LRRIQ1: variants seen among roughly 807,000 people sequenced by gnomAD.
LRRIQ1 encodes leucine rich repeats and IQ motif containing 1, also known as leucine-rich repeat- and IQ domain-containing protein 1.
Under a neutral mutation model 211.9 loss-of-function variants are expected in LRRIQ1, and 210 were observed. The ratio of observed to expected loss-of-function variants is 0.99; its 90% CI spans 0.89 to 1.11. The LOEUF (loss-of-function observed/expected upper bound fraction) is 1.11, where lower values mean the gene tolerates loss of function less well. Ranked by LOEUF, LRRIQ1 falls within the 50% of genes most tolerant of loss-of-function variation. LRRIQ1 has a pLI of 0.00. For missense variants in LRRIQ1, 2,136 were observed against 1,939.5 expected (o/e 1.10, Z -1.90); for synonymous variants, 699 against 650.1 (o/e 1.08, Z -1.14).
Position 85,064,357 on chromosome 12 carries a change from T to C in LRRIQ1, c.2392-905T>C, listed in dbSNP as rs150994282. 1.0e-3 allele frequency among the ~76,000 whole-genome samples: 154 copies of C among 151,986 alleles called. 1 individual carries two copies. The highest frequency in any genetic ancestry group is 4.7e-3 in the East Asian group (24 of 5,150). On this transcript the variant is annotated intron_variant, in intron 8 of 26. Transcript: ENST00000393217. ...ATCTATTCAGATCTTTTGCCCATTTTAGATTGGATTATGAGACTTTTTCCT... is the reference window on the plus strand; with the variant it reads ...ATCTATTCAGATCTTTTGCCCATTTCAGATTGGATTATGAGACTTTTTCCT...
intron 23 of LRRIQ1, among the ~76,000 whole-genome samples, chr12:85,155,526 G>C (rs887885377): frequency 3.5e-4 from 53 of 151,502 alleles, no homozygotes; most frequent in African/African-American, 1.2e-3. Context: ...ATCTTCAGCA[G>C]TATCAAAAAC....
chr12:85,150,623 A>T (rs989661620), intron 19 of LRRIQ1, among the ~76,000 whole-genome samples: 1 of 151,490 alleles, frequency 6.6e-6, no homozygotes, highest in African/African-American at 2.4e-5. Flanking sequence ...ACCAAAGCAT[A>T]TGTGTTTCCT....
intron 19 of LRRIQ1, among the ~76,000 whole-genome samples, chr12:85,148,117 A>G (rs1377965788): frequency 1.3e-5 from 2 of 151,700 alleles, no homozygotes; most frequent in African/African-American, 2.4e-5. Context: ...AGCTTTCCAG[A>G]TCCTCGGTTG....
intron 19 of LRRIQ1, among the ~76,000 whole-genome samples, chr12:85,146,519 G>T (rs972423659): frequency 6.6e-6 from 1 of 151,768 alleles, no homozygotes; most frequent in Non-Finnish European, 1.5e-5. Context: ...CAGTCCTGCA[G>T]AAGTTTTGTT....
chr12:85,098,361 T>C lies in LRRIQ1; in HGVS notation c.2894T>C (p.Leu965Ser). ...LISHLYWNCG[L>S]ESLKNLQQLI... ...TATAACTTTTTTCTTCTAGGTGGTT[T>C]AGAATCTTTGAAAAATCTTCAACAA... is the stretch of plus-strand genomic sequence containing the variant. The change falls in exon 12 of 27, where the codon TTA becomes TCA. Residue 965 changes from leucine to serine, a missense_variant. Leu to Ser is a moderately radical substitution (Grantham distance 145). Coordinates refer to ENST00000393217, the MANE Select transcript of LRRIQ1 (RefSeq NM_001079910.2). 6.2e-7 allele frequency: 1 copy of C among 1,602,200 alleles called. No homozygotes were observed. The highest frequency in any genetic ancestry group is 8.5e-7 in the Non-Finnish European group (1 of 1,172,546).
intron 24 of LRRIQ1, among the ~76,000 whole-genome samples, chr12:85,219,109 A>C (rs1894285865): frequency 6.6e-6 from 1 of 152,092 alleles, no homozygotes; most frequent in Non-Finnish European, 1.5e-5. Flanking sequence ...ATTACATGTT[A>C]ATGTATATAT....
At chr12:85,225,072 G>C (rs1252374062) in intron 24 of LRRIQ1, among the ~76,000 whole-genome samples, 1 of 151,898 alleles carries the variant, frequency 6.6e-6, no homozygotes, top group African/African-American at 2.4e-5. Context: ...GCATCCGTAG[G>C]TTCAACCAAC....
chr12:85,155,227 G>A lies in LRRIQ1; in HGVS notation c.4720+1133G>A, dbSNP rs1016698792. On this transcript the variant is annotated intron_variant, in intron 23 of 26. Coordinates refer to ENST00000393217, the MANE Select transcript of LRRIQ1 (RefSeq NM_001079910.2). ...TTTGTGATAACATTTTTATTGAGTAGTAAATTTTTTCAGGTTTAAAACATT... is the reference window on the plus strand; with the variant it reads ...TTTGTGATAACATTTTTATTGAGTAATAAATTTTTTCAGGTTTAAAACATT... Among the ~76,000 whole-genome samples, 121 of 151,516 alleles carry A rather than the reference G, an allele frequency of 8.0e-4. 1 individual carries two copies. The highest frequency in any genetic ancestry group is 2.8e-3 in the African/African-American group (116 of 41,450).
At chr12:85,122,974 A>T (rs147978501) in intron 16 of LRRIQ1, among the ~76,000 whole-genome samples, 144 of 152,142 alleles carry the variant, frequency 9.5e-4, no homozygotes, top group Non-Finnish European at 1.8e-3. Context: ...AAATGGAAAG[A>T]CTATAGGAAG....
chr12:85,243,313 T>TTTTTTA (rs377040361), intron 26 of LRRIQ1, among the ~76,000 whole-genome samples: 9 of 140,720 alleles, frequency 6.4e-5, no homozygotes, highest in Admixed American at 2.2e-4. Flanking sequence ...ATGTATAACT[T>TTTTTTA]TTATTATTAT....
At position 85,056,509 on chromosome 12, in the gene LRRIQ1, G is replaced by A; in HGVS notation, c.1716G>A (p.Gln572=). The A allele has an allele frequency of 6.2e-7, 1 of 1,611,610 alleles. No individual in the cohort carries two copies. The highest frequency in any genetic ancestry group is 8.5e-7 in the Non-Finnish European group (1 of 1,179,020). Residue 572 remains glutamine (Q), a synonymous_variant, in exon 8 of 27, where the codon CAG becomes CAA. Transcript: ENST00000393217. ...GTGAGGTGAAAACCAATGAAGAGCA[G>A]AAAATAATCAAAGATAATCAGCAGA... is the stretch of plus-strand genomic sequence containing the variant. ...EISEVKTNEE[Q]KIIKDNQQKK... is the part of the protein sequence containing the mutation.
chr12:85,167,736 A>G (rs907219082), intron 24 of LRRIQ1, among the ~76,000 whole-genome samples: 1 of 152,152 alleles, frequency 6.6e-6, no homozygotes, highest in African/African-American at 2.4e-5. Context: ...CAGGAACAAT[A>G]CTTTGCATTC....
At chr12:85,072,386 C>T (rs1398581115) in intron 10 of LRRIQ1, among the ~76,000 whole-genome samples, 1 of 151,846 alleles carries the variant, frequency 6.6e-6, no homozygotes, top group Non-Finnish European at 1.5e-5. Context: ...GAAAAGGAGG[C>T]AGGGTTTTTT....
rs562174204 is a variant in LRRIQ1, at chr12:85,048,938, A to G, written c.678+1468A>G. Among the ~76,000 whole-genome samples the G allele has an allele frequency of 2.6e-5, 4 of 152,330 alleles. No individual in the cohort carries two copies. The South Asian group carries it at 6.2e-4, about 24-fold the overall frequency. On this transcript the variant is annotated intron_variant, in intron 6 of 26. Transcript: ENST00000393217. ...AATTTGCTGACTACCTTAAGGGCAA[A>G]GCATTCAGCTGTGTGCTTAGATGAT...
Position 85,055,932 on chromosome 12 carries a change from G to C in LRRIQ1, c.1139G>C (p.Ser380Thr), listed in dbSNP as rs751387925. ...AAACAGGAAAGAGAGCAACTAATAA[G>C]CAAGGAAAAAATAATATTAAGAGAA... ...IVKQEREQLI[S>T]KEKIILREDA... The change falls in exon 8 of 27, where the codon AGC becomes ACC. Residue 380 changes from serine to threonine, a missense_variant. Coordinates refer to ENST00000393217, the MANE Select transcript of LRRIQ1 (RefSeq NM_001079910.2). 6.2e-7 allele frequency: 1 copy of C among 1,605,490 alleles called. No individual in the cohort carries two copies. Among genetic ancestry groups the C allele is most frequent in the Non-Finnish European group, 8.5e-7 (1 of 1,176,742 alleles).
At chr12:85,214,377 A>C (rs1893978422) in intron 24 of LRRIQ1, among the ~76,000 whole-genome samples, 1 of 152,168 alleles carries the variant, frequency 6.6e-6, no homozygotes, top group African/African-American at 2.4e-5. Flanking sequence ...TGGAAATTCA[A>C]AATCCACAAA....
At position 85,192,934 on chromosome 12, in the gene LRRIQ1, AATT is replaced by A. The variant is rs1470893452; in HGVS notation, c.4822+32223_4822+32225del. Among the ~76,000 whole-genome samples the A allele has an allele frequency of 3.3e-4, 31 of 93,038 alleles. 1 individual carries two copies. The highest frequency in any genetic ancestry group is 1.1e-3 in the African/African-American group (25 of 22,530). The allele number at this position is 93,038 out of a possible 152,430, so 61.0% of individuals were successfully genotyped here. A position where few individuals can be genotyped will look rare whatever the true frequency, so the allele number is the denominator to read the frequency against. The stretch of plus-strand genomic sequence containing the variant: ...ACATAAATATATAATTATATAATAT[AATT>A]ATATATAAATATATAATTATATAAT... On this transcript the variant is annotated intron_variant, in intron 24 of 26. Transcript: ENST00000393217.
chr12:85,063,907 T>A (rs1882133558), intron 8 of LRRIQ1, among the ~76,000 whole-genome samples: 1 of 151,872 alleles, frequency 6.6e-6, no homozygotes, highest in Non-Finnish European at 1.5e-5. Flanking sequence ...ATGGTGTATA[T>A]GTACCACTTT....
At chr12:85,157,382 G>C (rs1890613597) in intron 23 of LRRIQ1, among the ~76,000 whole-genome samples, 1 of 151,884 alleles carries the variant, frequency 6.6e-6, no homozygotes, top group Non-Finnish European at 1.5e-5. Flanking sequence ...GTTTATGTTT[G>C]GGTTATAGTG....
Sources: allele counts gnomAD v4.1 joint callset (sites outside exome capture counted in the v4.1 genomes callset), GRCh38; gene constraint gnomAD v4.1.1; transcripts MANE v1.5; gene names NCBI Gene and HGNC (gene_info 2026-07-23, HGNC 2026-07-21).